CUL4A: variants seen among roughly 807,000 people sequenced by gnomAD.
The protein encoded by CUL4A is cullin-4A.
CUL4A carries 16 observed loss-of-function variants against 95.5 expected under a neutral mutation model. The observed-to-expected ratio is 0.17, with a 90% confidence interval of 0.11 to 0.25. The LOEUF (loss-of-function observed/expected upper bound fraction) is 0.25. Among genes scored for constraint, CUL4A ranks in the 10% least tolerant of loss-of-function variants. CUL4A has a pLI of 1.00. For synonymous variants in CUL4A, 380 were observed against 353.1 expected (o/e 1.08, Z -0.85); for missense variants, 610 against 937.0 (o/e 0.65, Z 4.56).
intron 15 of CUL4A, among the ~76,000 whole-genome samples, chr13:113,248,217 G>T (rs949526583): frequency 6.6e-6 from 1 of 152,046 alleles, no homozygotes. Context: ...GCGATTCCTG[G>T]CTGAATTGAT....
intron 18 of CUL4A, among the ~76,000 whole-genome samples, chr13:113,257,545 A>G (rs1348129937): frequency 6.6e-6 from 1 of 152,148 alleles, no homozygotes; most frequent in East Asian, 1.9e-4. Flanking sequence ...TCACGTGGCA[A>G]AAGCATGAGC....
chr13:113,245,130 C>G (rs764570570), intron 13 of CUL4A, 22 bp from the exon 14 acceptor site: 1 of 1,613,678 alleles, frequency 6.2e-7, no homozygotes. Context: ...CCCGATCTCA[C>G]TCCCTCCTTT....
chr13:113,246,663 A>AAAGAC (rs1483457152), intron 15 of CUL4A, among the ~76,000 whole-genome samples: 3 of 152,218 alleles, frequency 2.0e-5, no homozygotes, highest in African/African-American at 7.2e-5. Context: ...AGAAGGGAAG[A>AAAGAC]AAGACACACA....
At chr13:113,245,082 C>T (rs1436371647) in intron 13 of CUL4A, 23 bp downstream of exon 13, 2 of 1,609,122 alleles carry the variant, frequency 1.2e-6, no homozygotes, top group African/African-American at 2.7e-5. Context: ...GGCCTGGGCT[C>T]CTCCCCTGTA....
rs759225307 is a variant in CUL4A, at chr13:113,263,602, C to T, written c.*20C>T. ...GCCTGACGCATCTGCAGACGGTTCCCCTTCATGAAACACTAGAATGTACCC... is the reference window on the plus strand; with the variant it reads ...GCCTGACGCATCTGCAGACGGTTCCTCTTCATGAAACACTAGAATGTACCC... On this transcript the variant is annotated 3_prime_UTR_variant, in exon 20 of 20. Coordinates refer to ENST00000375440, the MANE Select transcript of CUL4A (RefSeq NM_001008895.4). 6 of 1,492,270 alleles carry T rather than the reference C, an allele frequency of 4.0e-6. No individual in the cohort carries two copies. In the Admixed American group the frequency reaches 9.4e-5, roughly 23 times the overall value. The allele number at this position is 1,492,270 out of a possible 1,614,324, so 92.4% of individuals were successfully genotyped here.
At chr13:113,256,154 CT>C (rs1781734141) in intron 18 of CUL4A, among the ~76,000 whole-genome samples, 1 of 152,130 alleles carries the variant, frequency 6.6e-6, no homozygotes, top group Non-Finnish European at 1.5e-5. Context: ...AGACCCCAAA[CT>C]CTACAAAAGA....
At chr13:113,237,283 C>T (rs922058366) in intron 9 of CUL4A, among the ~76,000 whole-genome samples, 6 of 152,206 alleles carry the variant, frequency 3.9e-5, no homozygotes, top group African/African-American at 1.4e-4. Flanking sequence ...GTTAGATTTT[C>T]GTGAGGCTTC....
At chr13:113,256,926 G>GTTTTTTT (rs951070829) in intron 18 of CUL4A, among the ~76,000 whole-genome samples, 81 of 47,394 alleles carry the variant, frequency 1.7e-3, no homozygotes, top group South Asian at 2.3e-3. Flanking sequence ...TTTTTTTTTC[G>GTTTTTTT]TTTTTTTTTT....
intron 15 of CUL4A, among the ~76,000 whole-genome samples, chr13:113,248,899 C>T (rs1462783788): frequency 3.3e-5 from 5 of 152,094 alleles, no homozygotes; most frequent in African/African-American, 1.2e-4. Flanking sequence ...GACAACCATC[C>T]TTTTTTTGCT....
chr13:113,238,320 G>A (rs898052094), intron 9 of CUL4A, among the ~76,000 whole-genome samples: 3 of 151,948 alleles, frequency 2.0e-5, no homozygotes, highest in Non-Finnish European at 2.9e-5. Context: ...CACAGGTGGT[G>A]CATGCCTAGG....
chr13:113,249,538 C>T (rs889093002), intron 15 of CUL4A, among the ~76,000 whole-genome samples: 2 of 152,176 alleles, frequency 1.3e-5, no homozygotes, highest in African/African-American at 2.4e-5. Flanking sequence ...ACCTTTTGGC[C>T]GCTGTGAATA....
At chr13:113,241,593 C>T (rs895441782) in intron 10 of CUL4A, among the ~76,000 whole-genome samples, 12 of 148,700 alleles carry the variant, frequency 8.1e-5, no homozygotes, top group African/African-American at 3.0e-4. Flanking sequence ...CAGCTCACTG[C>T]AACCTCTGCC....
intron 18 of CUL4A, among the ~76,000 whole-genome samples, chr13:113,255,912 G>A (rs914274614): frequency 1.3e-5 from 2 of 152,164 alleles, no homozygotes; most frequent in African/African-American, 4.8e-5. Context: ...CTTTGAGGGT[G>A]CACCTTTTAT....
At position 113,224,261 on chromosome 13, in the gene CUL4A, G is replaced by A. The variant is rs562011075; in HGVS notation, c.369-3715G>A. Among the ~76,000 whole-genome samples the A allele has an allele frequency of 2.5e-4, 38 of 152,174 alleles. No homozygotes were observed. In the South Asian group the frequency reaches 3.7e-3, roughly 15 times the overall value. ...CCAGCTACTCGGGAGGCTGAGGCAG[G>A]AGAATGGCATGAACCCGGGAGGCAG... On this transcript the variant is annotated intron_variant, in intron 3 of 19. Coordinates refer to ENST00000375440, the MANE Select transcript of CUL4A (RefSeq NM_001008895.4).
intron 5 of CUL4A, among the ~76,000 whole-genome samples, chr13:113,230,537 A>G (rs906736728): frequency 6.6e-6 from 1 of 152,170 alleles, no homozygotes; most frequent in Non-Finnish European, 1.5e-5. Context: ...CACAGAAAAG[A>G]CAGCCTGTGT....
intron 2 of CUL4A, among the ~76,000 whole-genome samples, chr13:113,210,529 G>A (rs1036290326): frequency 1.2e-4 from 18 of 152,306 alleles, no homozygotes; most frequent in African/African-American, 4.3e-4. Context: ...TTCAGAAAAA[G>A]TGGTTTTGTT....
At chr13:113,225,872 C>G (rs143063791) in intron 3 of CUL4A, among the ~76,000 whole-genome samples, 1 of 152,296 alleles carries the variant, frequency 6.6e-6, no homozygotes, top group Non-Finnish European at 1.5e-5. Context: ...AAGAGTACTT[C>G]CAGAGGAACC....
rs772638858 is a variant in CUL4A at position 113,233,288 on chromosome 13, C to T, written c.624C>T (p.Ala208=). ...LLIERERSGE[A]VDRSLLRSLL... ...TCGAGCGCGAGAGGAGCGGCGAGGC[C>T]GTGGACCGGAGCCTGTTGCGGAGCC... Residue 208 remains alanine (A), a synonymous_variant, in exon 6 of 20, where the codon GCC becomes GCT. Transcript: ENST00000375440. 3 of 1,613,612 alleles carry T rather than the reference C, an allele frequency of 1.9e-6. No individual in the cohort carries two copies. Among genetic ancestry groups the T allele is most frequent in the Non-Finnish European group, 1.7e-6 (2 of 1,179,968 alleles).
chr13:113,227,391 C>T (rs900493615), intron 3 of CUL4A, among the ~76,000 whole-genome samples: 1 of 152,188 alleles, frequency 6.6e-6, no homozygotes, highest in African/African-American at 2.4e-5. Flanking sequence ...GGGGAGCTCT[C>T]TGGGGTCTCT....
Sources: allele counts gnomAD v4.1 joint callset (sites outside exome capture counted in the v4.1 genomes callset), GRCh38; gene constraint gnomAD v4.1.1; transcripts MANE v1.5; gene names NCBI Gene and HGNC (gene_info 2026-07-23, HGNC 2026-07-21).